The following DAB1 variants were observed in gnomAD, a reference collection of about 807,000 sequenced individuals.
The protein encoded by DAB1 is DAB adaptor protein 1.
In DAB1, 15 loss-of-function variants were observed where a neutral mutation model predicts 64.6. The ratio of observed to expected loss-of-function variants is 0.23; its 90% CI spans 0.16 to 0.36. The LOEUF is 0.36. Among genes scored for constraint, DAB1 ranks in the 10% least tolerant of loss-of-function variants. The pLI is 1.00. For synonymous variants in DAB1, 235 were observed against 251.9 expected (o/e 0.93, Z 0.64); for missense variants, 596 against 706.7 (o/e 0.84, Z 1.78).
chr1:57,609,408 T>C (rs1372612388), intron 7 of DAB1, among the ~76,000 whole-genome samples: 1 of 152,260 alleles, frequency 6.6e-6, no homozygotes, highest in Non-Finnish European at 1.5e-5. Context: ...AGGATGTGTG[T>C]ATGTTATATG....
intron 1 of DAB1, among the ~76,000 whole-genome samples, chr1:57,830,020 T>C (rs141160802): frequency 3.3e-5 from 5 of 152,298 alleles, no homozygotes; most frequent in African/African-American, 1.2e-4. Flanking sequence ...CATGACACTC[T>C]ACACTCTCTC....
At chr1:57,565,586 A>C (rs2101519071) in intron 7 of DAB1, among the ~76,000 whole-genome samples, 1 of 152,316 alleles carries the variant, frequency 6.6e-6, no homozygotes, top group South Asian at 2.1e-4. Flanking sequence ...AAGATCTACC[A>C]AGCAAATGGA....
intron 5 of DAB1, among the ~76,000 whole-genome samples, chr1:57,911,881 A>G (rs1644650009): frequency 6.6e-6 from 1 of 152,170 alleles, no homozygotes; most frequent in Non-Finnish European, 1.5e-5. Flanking sequence ...TGCACTTACT[A>G]ATCTCTGCTT....
intron 6 of DAB1, among the ~76,000 whole-genome samples, chr1:57,757,929 G>A (rs886287156): frequency 6.6e-6 from 1 of 152,120 alleles, no homozygotes; most frequent in South Asian, 2.1e-4. Flanking sequence ...CGATCCTTCT[G>A]CCTCAGCCTC....
chr1:58,412,940 A>G (rs935083274), intron 3 of DAB1, among the ~76,000 whole-genome samples: 1 of 152,216 alleles, frequency 6.6e-6, no homozygotes, highest in African/African-American at 2.4e-5. Flanking sequence ...TGTAAAATGA[A>G]GAGAGACCTA....
Position 57,338,197 on chromosome 1 carries a change from C to T in DAB1, c.-136-47031G>A, listed in dbSNP as rs184939453. Among the ~76,000 whole-genome samples, 4 of 152,238 alleles carry T rather than the reference C, an allele frequency of 2.6e-5. No homozygotes were observed. The East Asian group carries it at 7.7e-4, about 29-fold the overall frequency. The stretch of plus-strand genomic sequence containing the variant: ...ATGAGGTTTTGCCGTGTTGCCCAGG[C>T]TGGTCTCGAACTCCTGGGCTCAAGA... On this transcript the variant is annotated intron_variant, in intron 1 of 14. Coordinates refer to ENST00000371236, the MANE Select transcript of DAB1 (RefSeq NM_001365792.1).
At chr1:57,114,930 C>A (rs1475258009) in intron 4 of DAB1, among the ~76,000 whole-genome samples, 1 of 151,192 alleles carries the variant, frequency 6.6e-6, no homozygotes, top group East Asian at 1.9e-4. Context: ...CTTTTTTTTT[C>A]TTTCTCTATC....
At chr1:58,101,018 A>G (rs528769089) in intron 5 of DAB1, among the ~76,000 whole-genome samples, 1 of 152,318 alleles carries the variant, frequency 6.6e-6, no homozygotes, top group East Asian at 1.9e-4. Flanking sequence ...AAGGCTGTGA[A>G]TAGAAAAGCC....
intron 7 of DAB1, among the ~76,000 whole-genome samples, chr1:57,636,766 G>C (rs1646062166): frequency 6.6e-6 from 1 of 152,152 alleles, no homozygotes; most frequent in Non-Finnish European, 1.5e-5. Flanking sequence ...GGAATAGCTG[G>C]GGCAGATAAT....
chr1:57,366,707 T>C (rs1680024406), intron 1 of DAB1, among the ~76,000 whole-genome samples: 1 of 152,218 alleles, frequency 6.6e-6, no homozygotes, highest in Non-Finnish European at 1.5e-5. Context: ...TCTCAAAAGA[T>C]TGGTACTGTT....
At chr1:58,376,912 T>G (rs1213676) in intron 3 of DAB1, among the ~76,000 whole-genome samples, 4,227 of 109,534 alleles carry the variant, frequency 0.039, 296 homozygotes, top group African/African-American at 0.15. Context: ...CTTGTTGAAT[T>G]GATCCCTTTA....
At chr1:58,262,777 T>C (rs1346276304) in intron 4 of DAB1, among the ~76,000 whole-genome samples, 1 of 152,204 alleles carries the variant, frequency 6.6e-6, no homozygotes, top group Non-Finnish European at 1.5e-5. Context: ...CTGATTTGCT[T>C]AATCCAATAA....
chr1:57,357,014 G>T (rs779359206), intron 1 of DAB1, among the ~76,000 whole-genome samples: 1 of 151,984 alleles, frequency 6.6e-6, no homozygotes, highest in Non-Finnish European at 1.5e-5. Flanking sequence ...ATCCTATAGG[G>T]TCACTGCATG....
intron 1 of DAB1, among the ~76,000 whole-genome samples, chr1:57,368,073 G>A (rs767976946): frequency 1.3e-5 from 2 of 152,212 alleles, no homozygotes; most frequent in Non-Finnish European, 2.9e-5. Flanking sequence ...AAAGTGGGGT[G>A]AGCCTGGGCA....
chr1:57,306,443 T>A (rs936244365), intron 1 of DAB1, among the ~76,000 whole-genome samples: 7 of 151,966 alleles, frequency 4.6e-5, no homozygotes, highest in African/African-American at 1.7e-4. Flanking sequence ...CACAATACTA[T>A]TTTTTTCTCA....
intron 3 of DAB1, among the ~76,000 whole-genome samples, chr1:58,472,733 C>T (rs1383642809): frequency 6.6e-6 from 1 of 152,180 alleles, no homozygotes; most frequent in Non-Finnish European, 1.5e-5. Context: ...AAACAAAAGA[C>T]CGATGAAAAC....
intron 3 of DAB1, among the ~76,000 whole-genome samples, chr1:58,504,797 A>T (rs1246174130): frequency 6.6e-6 from 1 of 152,188 alleles, no homozygotes; most frequent in Non-Finnish European, 1.5e-5. Flanking sequence ...GATAAATCAT[A>T]TCCTTGTACT....
At chr1:57,372,456 A>G (rs1358846500) in intron 1 of DAB1, among the ~76,000 whole-genome samples, 1 of 152,240 alleles carries the variant, frequency 6.6e-6, no homozygotes, top group Non-Finnish European at 1.5e-5. Context: ...TTTGGAATTT[A>G]GCACTTTGGA....
intron 4 of DAB1, among the ~76,000 whole-genome samples, chr1:58,215,671 G>T (rs1353269366): frequency 6.6e-6 from 1 of 152,114 alleles, no homozygotes; most frequent in Non-Finnish European, 1.5e-5. Context: ...GTTACTCCTT[G>T]AGGGGAGCCT....
Sources: gnomAD v4.1 joint callset for allele counts (sites outside exome capture counted in the v4.1 genomes callset) on GRCh38, gnomAD v4.1.1 for gene constraint, MANE v1.5 for transcripts, NCBI Gene and HGNC (gene_info 2026-07-23, HGNC 2026-07-21) for gene names.